The following SI variants were observed in gnomAD, a reference collection of about 807,000 sequenced individuals.
SI encodes the protein sucrase-isomaltase, also known as sucrase-isomaltase, intestinal.
Under a neutral mutation model 253.3 loss-of-function variants are expected in SI, and 235 were observed. The ratio of observed to expected loss-of-function variants is 0.93; its 90% CI spans 0.83 to 1.03. SI has a LOEUF of 1.03. Ranked by LOEUF, SI falls within the 50% of genes least tolerant of loss-of-function variation. SI has a pLI of 0.00. For synonymous variants in SI, 819 were observed against 712.0 expected, an observed-to-expected ratio of 1.15 and a Z score of -2.39; for missense variants, 2,442 against 2,211.1, an observed-to-expected ratio of 1.10 and a Z score of -2.09.
chr3:165,061,093 A>G (rs1343199033), intron 9 of SI, among the ~76,000 whole-genome samples: 1 of 151,750 alleles, frequency 6.6e-6, no homozygotes, highest in African/African-American at 2.4e-5. Context: ...TGTTCCATAG[A>G]ATTAAAGATT....
intron 44 of SI, 55 bp from the exon 45 acceptor site, chr3:164,987,281 G>C: frequency 7.2e-7 from 1 of 1,385,224 alleles, no homozygotes; most frequent in Non-Finnish European, 1.0e-6. Flanking sequence ...CATATGTCTA[G>C]TTATGATATG....
At chr3:165,079,889 A>T (rs1391829355), upstream of SI, among the ~76,000 whole-genome samples, 6 of 151,832 alleles carry the variant, frequency 4.0e-5, no homozygotes, top group Admixed American at 2.0e-4. Flanking sequence ...AAAAATTGAG[A>T]GATACGCCAT....
At chr3:165,057,908 T>A (rs980509173) in intron 12 of SI, among the ~76,000 whole-genome samples, 3 of 151,992 alleles carry the variant, frequency 2.0e-5, no homozygotes, top group Non-Finnish European at 4.4e-5. Context: ...AGAAACATTG[T>A]CTTTAATCTT....
chr3:164,987,282 T>G, intron 44 of SI, 56 bp from the exon 45 acceptor site: 1 of 1,390,362 alleles, frequency 7.2e-7, no homozygotes, highest in South Asian at 1.2e-5. Flanking sequence ...ATATGTCTAG[T>G]TATGATATGA....
At chr3:165,048,582 T>G (rs139238588) in intron 15 of SI, among the ~76,000 whole-genome samples, 4,289 of 111,572 alleles carry the variant, frequency 0.038, 81 homozygotes, top group African/African-American at 0.06. Context: ...TATATATATA[T>G]ATAGAGAGAG....
intron 3 of SI, among the ~76,000 whole-genome samples, chr3:165,070,282 T>C (rs1714484275): frequency 8.5e-6 from 1 of 117,244 alleles, no homozygotes; most frequent in Non-Finnish European, 1.8e-5. Flanking sequence ...TATATGATTA[T>C]ATACATATAT....
rs758149710 is a variant in SI at position 165,030,887 on chromosome 3, A to AG, written c.2737-21_2737-20insC. The AG allele has an allele frequency of 5.2e-6, 8 of 1,523,966 alleles. No individual in the cohort carries two copies. In the East Asian group the frequency reaches 1.9e-4, roughly 36 times the overall value. 94.4% of individuals were successfully genotyped at this position (1,523,966 alleles called of 1,614,324 possible). A position where few individuals can be genotyped will look rare whatever the true frequency, so the allele number is the denominator to read the frequency against. Reference sequence around the variant, plus strand: ...GAGAACCTTTGAAGACAAAAAAAAAAAAAGAAAAAAAGAAAAAAAAAACAC... The same window carrying AG: ...GAGAACCTTTGAAGACAAAAAAAAAAGAAAGAAAAAAAGAAAAAAAAAACAC... On this transcript the variant is annotated intron_variant, in intron 24 of 47. Transcript: ENST00000264382.
intron 13 of SI, among the ~76,000 whole-genome samples, chr3:165,054,696 TTTG>T (rs1713605639): frequency 6.6e-6 from 1 of 152,118 alleles, no homozygotes. Context: ...TAGGATTCTG[TTTG>T]TTGCTTTTTT....
chr3:165,076,482 C>A (rs1714981519), intron 1 of SI, among the ~76,000 whole-genome samples: 1 of 151,708 alleles, frequency 6.6e-6, no homozygotes, highest in Admixed American at 6.6e-5. Flanking sequence ...AGTTATAGTT[C>A]AAAGTTAAAA....
chr3:165,043,367 T>C (rs1712948899), intron 16 of SI, among the ~76,000 whole-genome samples, 192 bp from the exon 17 acceptor site: 1 of 152,048 alleles, frequency 6.6e-6, no homozygotes, highest in Non-Finnish European at 1.5e-5. Context: ...ATTTTATATG[T>C]TCTTTCCTTC....
intron 12 of SI, 114 bp from the exon 13 acceptor site, chr3:165,055,421 T>C (rs953674130): frequency 3.1e-6 from 2 of 636,930 alleles, no homozygotes; most frequent in Non-Finnish European, 5.5e-6. Flanking sequence ...TCTACTTCTT[T>C]AGGTATATGT....
Position 165,014,638 on chromosome 3 carries a change from C to A in SI, c.3999+485G>T, listed in dbSNP as rs535262563. Among the ~76,000 whole-genome samples the A allele has an allele frequency of 2.0e-5, 3 of 151,980 alleles. No homozygotes were observed. In the East Asian group the frequency reaches 5.8e-4, roughly 29 times the overall value. ...TTTTCTTGATTGCTTTATATAAAAG[C>A]CAAATCAAAATATTTTTGTAATATA... On this transcript the variant is annotated intron_variant, in intron 33 of 47. Coordinates refer to ENST00000264382, the MANE Select transcript of SI (RefSeq NM_001041.4).
At chr3:164,989,210 T>C (rs1162587111) in intron 44 of SI, among the ~76,000 whole-genome samples, 1 of 151,214 alleles carries the variant, frequency 6.6e-6, no homozygotes. Flanking sequence ...GCTAGGCGTC[T>C]GGCAGGCACC....
intron 42 of SI, 22 bp from the exon 43 acceptor site, chr3:164,992,255 A>G (rs1717787399): frequency 5.0e-6 from 8 of 1,612,386 alleles, no homozygotes; most frequent in African/African-American, 4.0e-5. Flanking sequence ...ATAAATAGCC[A>G]TTAGTTGTAT....
chr3:164,979,804 T>C (rs1195275972), intron 47 of SI, among the ~76,000 whole-genome samples: 1 of 151,864 alleles, frequency 6.6e-6, no homozygotes, highest in Non-Finnish European at 1.5e-5. Context: ...TATTATCCAG[T>C]CATTTTCAGC....
intron 40 of SI, among the ~76,000 whole-genome samples, chr3:164,994,649 T>C (rs1485662375): frequency 6.6e-6 from 1 of 151,764 alleles, no homozygotes; most frequent in Non-Finnish European, 1.5e-5. Context: ...TAAGTGAACA[T>C]ACCCAAAGAA....
chr3:165,019,449 T>C (rs1180711709), intron 28 of SI, among the ~76,000 whole-genome samples, 153 bp downstream of exon 28: 1 of 151,922 alleles, frequency 6.6e-6, no homozygotes, highest in Non-Finnish European at 1.5e-5. Flanking sequence ...TTTTTGGGTT[T>C]GTTTCTCAGA....
At chr3:165,055,056 C>T in intron 13 of SI, 138 bp downstream of exon 13, 2 of 612,198 alleles carry the variant, frequency 3.3e-6, no homozygotes, top group East Asian at 2.8e-5. Context: ...TTTATCCATT[C>T]TGGGAAAAAA....
chr3:165,047,137 A>C, intron 15 of SI, 125 bp from the exon 16 acceptor site: 25 of 697,548 alleles, frequency 3.6e-5, no homozygotes, highest in Non-Finnish European at 5.0e-5. Context: ...CCCAAATCTC[A>C]TCTTGAATTG....
Sources: allele counts gnomAD v4.1 joint callset (sites outside exome capture counted in the v4.1 genomes callset), GRCh38; gene constraint gnomAD v4.1.1; transcripts MANE v1.5; gene names NCBI Gene and HGNC (gene_info 2026-07-23, HGNC 2026-07-21).